The following ARHGAP44 variants were observed in gnomAD, a reference collection of about 807,000 sequenced individuals.
The protein encoded by ARHGAP44 is rho GTPase-activating protein 44.
In ARHGAP44, 43 loss-of-function variants were observed where a neutral mutation model predicts 106.8. That is an observed-to-expected ratio of 0.40 (90% CI 0.32 to 0.52). ARHGAP44 has a LOEUF of 0.52. ARHGAP44 is among the 20% of genes least tolerant of loss of function. The probability of loss-of-function intolerance (pLI) is 0.48; values close to 1 mark genes in which losing one functional copy is unlikely to be tolerated. For missense variants in ARHGAP44, 866 were observed against 1,050.5 expected (o/e 0.82, Z 2.43); for synonymous variants, 439 against 410.3 (o/e 1.07, Z -0.85).
chr17:12,932,336 G>T (rs891149978), intron 7 of ARHGAP44, among the ~76,000 whole-genome samples: 4 of 152,122 alleles, frequency 2.6e-5, no homozygotes, highest in African/African-American at 7.2e-5. Flanking sequence ...TTAATTTGGT[G>T]AATTGCCTAT....
In ARHGAP44 at chr17:12,789,603, C is replaced by T; in HGVS notation, c.-236C>T. The T allele has an allele frequency of 3.3e-6, 1 of 302,502 alleles. No homozygotes were observed. The highest frequency in any genetic ancestry group is 6.0e-6 in the Non-Finnish European group (1 of 165,730). The allele number at this position is 302,502 out of a possible 1,614,324, so 18.7% of individuals were successfully genotyped here. ...GAGGACGGCCCCAGGCATTGCTCTG[C>T]CCCGGGCATTGCGCGGCGCGCGTGA... is the stretch of plus-strand genomic sequence containing the variant. On this transcript the variant is annotated 5_prime_UTR_variant, in exon 1 of 21. Coordinates refer to ENST00000379672, the MANE Select transcript of ARHGAP44 (RefSeq NM_014859.6).
intron 13 of ARHGAP44, among the ~76,000 whole-genome samples, chr17:12,952,884 C>T (rs578011125): frequency 1.3e-5 from 2 of 151,900 alleles, no homozygotes; most frequent in Non-Finnish European, 2.9e-5. Flanking sequence ...CCCACCACCA[C>T]GCGTGGTCTC....
At chr17:12,983,620 C>T (rs758215370) in intron 19 of ARHGAP44, among the ~76,000 whole-genome samples, 1 of 152,158 alleles carries the variant, frequency 6.6e-6, no homozygotes, top group Non-Finnish European at 1.5e-5. Context: ...GCCTGACCAA[C>T]ATGGAGAAAC....
chr17:12,802,704 T>C (rs922148836), intron 1 of ARHGAP44, among the ~76,000 whole-genome samples: 1 of 151,282 alleles, frequency 6.6e-6, no homozygotes, highest in African/African-American at 2.4e-5. Flanking sequence ...TTCTACTTAC[T>C]GATTTAGTGT....
intron 1 of ARHGAP44, among the ~76,000 whole-genome samples, chr17:12,812,703 A>G (rs995035880): frequency 6.6e-6 from 1 of 152,206 alleles, no homozygotes. Context: ...ACATGCTCAC[A>G]AGTGCATAGA....
At chr17:12,802,277 C>T (rs930360699) in intron 1 of ARHGAP44, among the ~76,000 whole-genome samples, 6 of 151,894 alleles carry the variant, frequency 4.0e-5, no homozygotes, top group South Asian at 2.1e-4. Flanking sequence ...CTAATTTTAG[C>T]AAAAAAGGAG....
At chr17:12,913,353 C>T (rs1025453539) in intron 4 of ARHGAP44, among the ~76,000 whole-genome samples, 5 of 151,848 alleles carry the variant, frequency 3.3e-5, no homozygotes, top group Admixed American at 1.3e-4. Context: ...CAAGCCAAAA[C>T]AAGGCAATTA....
chr17:12,917,939 CT>C (rs1315351321), intron 5 of ARHGAP44, among the ~76,000 whole-genome samples: 2 of 152,222 alleles, frequency 1.3e-5, no homozygotes, highest in African/African-American at 4.8e-5. Context: ...TCCACATCCC[CT>C]GACACTCTCT....
chr17:12,805,302 T>C (rs1028097486), intron 1 of ARHGAP44, among the ~76,000 whole-genome samples: 4 of 152,216 alleles, frequency 2.6e-5, no homozygotes, highest in African/African-American at 9.6e-5. Flanking sequence ...TTGGGGTTTC[T>C]TCATCTCTGT....
intron 12 of ARHGAP44, among the ~76,000 whole-genome samples, chr17:12,951,160 C>G (rs1319134247): frequency 6.6e-6 from 1 of 152,176 alleles, no homozygotes; most frequent in African/African-American, 2.4e-5. Flanking sequence ...TTAATAATTA[C>G]AACGTTACCA....
intron 3 of ARHGAP44, among the ~76,000 whole-genome samples, chr17:12,902,506 G>T (rs1310335216): frequency 6.6e-6 from 1 of 152,120 alleles, no homozygotes; most frequent in Non-Finnish European, 1.5e-5. Flanking sequence ...ATGGGAGCAG[G>T]GATCTTGTGT....
chr17:12,962,052 T>C (rs1011842678), intron 16 of ARHGAP44, among the ~76,000 whole-genome samples: 1 of 151,666 alleles, frequency 6.6e-6, no homozygotes, highest in Non-Finnish European at 1.5e-5. Flanking sequence ...GCTCATGTTA[T>C]TGAAGGTTTT....
intron 1 of ARHGAP44, among the ~76,000 whole-genome samples, chr17:12,833,024 G>T (rs2035133017): frequency 6.6e-6 from 1 of 152,180 alleles, no homozygotes; most frequent in Non-Finnish European, 1.5e-5. Context: ...CTGTGCCTGG[G>T]CACAGTACTA....
At chr17:12,934,844 T>C (rs1295903319) in intron 7 of ARHGAP44, among the ~76,000 whole-genome samples, 2 of 152,198 alleles carry the variant, frequency 1.3e-5, no homozygotes, top group Non-Finnish European at 2.9e-5. Flanking sequence ...AAACCTGGGC[T>C]GGGACCTTCC....
At chr17:12,888,073 T>A (rs1048854506) in intron 1 of ARHGAP44, among the ~76,000 whole-genome samples, 2 of 152,112 alleles carry the variant, frequency 1.3e-5, no homozygotes, top group Non-Finnish European at 2.9e-5. Flanking sequence ...TTTGAGTTTC[T>A]TTAGTTTTTG....
intron 19 of ARHGAP44, among the ~76,000 whole-genome samples, chr17:12,981,272 C>T (rs55708868): frequency 0.097 from 14,826 of 152,128 alleles, 901 homozygotes; most frequent in Middle Eastern, 0.19. Flanking sequence ...GGTGGCCCAG[C>T]GGAAACGACA....
chr17:12,943,569 T>G lies in ARHGAP44; in HGVS notation c.652-19T>G. 6.2e-7 allele frequency: 1 copy of G among 1,613,312 alleles called. No homozygotes were observed. Among genetic ancestry groups the G allele is most frequent in the South Asian group, 1.1e-5 (1 of 91,046 alleles). On this transcript the variant is annotated intron_variant, in intron 8 of 20. Transcript: ENST00000379672. ...CCTTGCCCCTCACTAAGGGTGATGC[T>G]TGCCTTGTGTCTTCTCAGCTAATAG...
rs185146728 is a variant in ARHGAP44 at position 12,851,988 on chromosome 17, C to T, written c.54-42952C>T. Among the ~76,000 whole-genome samples the T allele has an allele frequency of 5.3e-5, 8 of 151,450 alleles. No individual in the cohort carries two copies. The East Asian group carries it at 8.1e-4, about 15-fold the overall frequency. On this transcript the variant is annotated intron_variant, in intron 1 of 20. Transcript: ENST00000379672. Reference sequence around the variant, plus strand: ...TGATTTCCTTGTGCTGTCTTTATTTCGCTCTGGTTTGAAGGGTTTAGGAAT... The same window carrying T: ...TGATTTCCTTGTGCTGTCTTTATTTTGCTCTGGTTTGAAGGGTTTAGGAAT...
intron 4 of ARHGAP44, among the ~76,000 whole-genome samples, chr17:12,913,164 A>G (rs1302667068): frequency 1.3e-5 from 2 of 152,114 alleles, no homozygotes; most frequent in African/African-American, 4.8e-5. Flanking sequence ...TTTTATTTTA[A>G]TATATAACAG....
Sources: gnomAD v4.1 joint callset for allele counts (sites outside exome capture counted in the v4.1 genomes callset) on GRCh38, gnomAD v4.1.1 for gene constraint, MANE v1.5 for transcripts, NCBI Gene and HGNC (gene_info 2026-07-23, HGNC 2026-07-21) for gene names.